The following LRP1B variants were observed in gnomAD, a reference collection of about 807,000 sequenced individuals.
LRP1B encodes LDL receptor related protein 1B.
In LRP1B, 217 loss-of-function variants were observed where a neutral mutation model predicts 556.6. That is an observed-to-expected ratio of 0.39 (90% CI 0.35 to 0.44). The LOEUF (loss-of-function observed/expected upper bound fraction) is 0.44, where lower values mean the gene tolerates loss of function less well. Among genes scored for constraint, LRP1B ranks in the 20% least tolerant of loss-of-function variants. The pLI is 1.00. For missense variants in LRP1B, 5,053 were observed against 5,620.8 expected (o/e 0.90, Z 3.23); for synonymous variants, 2,047 against 1,865.8 (o/e 1.10, Z -2.50).
intron 79 of LRP1B, among the ~76,000 whole-genome samples, chr2:140,330,963 A>C (rs1260957028): frequency 6.6e-6 from 1 of 152,156 alleles, no homozygotes; most frequent in Non-Finnish European, 1.5e-5. Context: ...ATATGAAAAA[A>C]AGCTCAGCAT....
In LRP1B at chr2:141,254,830, C is replaced by T. The variant is rs545614069; in HGVS notation, c.344-189G>A. Among the ~76,000 whole-genome samples the T allele has an allele frequency of 3.3e-3, 495 of 152,064 alleles. 3 individuals carry two copies. The highest frequency in any genetic ancestry group is 6.8e-3 in the Middle Eastern group (2 of 294). On this transcript the variant is annotated intron_variant, in intron 3 of 90. Coordinates refer to ENST00000389484, the MANE Select transcript of LRP1B (RefSeq NM_018557.3). ...TGCTTGAATTATTGTAAATAAAATT[C>T]GAGATCAATCTGTTTGGTCTCCCGC...
intron 21 of LRP1B, among the ~76,000 whole-genome samples, 181 bp from the exon 22 acceptor site, chr2:140,908,258 G>T: frequency 6.6e-6 from 1 of 150,408 alleles, no homozygotes; most frequent in Non-Finnish European, 1.5e-5. Context: ...TTCTTGCCCT[G>T]GTCTTAAAGT....
chr2:141,084,687 T>C (rs1465765732), intron 7 of LRP1B, among the ~76,000 whole-genome samples: 2 of 149,750 alleles, frequency 1.3e-5, no homozygotes, highest in African/African-American at 2.5e-5. Context: ...TCTCGCTCTG[T>C]CCCCCAGACT....
intron 3 of LRP1B, among the ~76,000 whole-genome samples, chr2:141,343,928 C>T (rs1345102994): frequency 6.6e-6 from 1 of 152,108 alleles, no homozygotes; most frequent in Non-Finnish European, 1.5e-5. Flanking sequence ...ATTCCCAGCT[C>T]TCTCTCTCTT....
intron 45 of LRP1B, among the ~76,000 whole-genome samples, chr2:140,537,594 T>C (rs779243006): frequency 6.6e-6 from 1 of 152,018 alleles, no homozygotes; most frequent in African/African-American, 2.4e-5. Context: ...CTCCATGAAA[T>C]GTACAGGAAT....
intron 6 of LRP1B, among the ~76,000 whole-genome samples, chr2:141,211,144 T>C (rs1268476801): frequency 6.6e-6 from 1 of 150,802 alleles, no homozygotes; most frequent in Non-Finnish European, 1.5e-5. Flanking sequence ...CCCACTACCA[T>C]GCTCAGCTAA....
At chr2:141,873,006 A>G (rs1574451012) in intron 1 of LRP1B, among the ~76,000 whole-genome samples, 1 of 152,036 alleles carries the variant, frequency 6.6e-6, no homozygotes, top group East Asian at 1.9e-4. Flanking sequence ...TATATGTTCA[A>G]TAGACCATTG....
chr2:141,644,831 C>G (rs924097140), intron 2 of LRP1B, among the ~76,000 whole-genome samples: 1 of 151,600 alleles, frequency 6.6e-6, no homozygotes, highest in Non-Finnish European at 1.5e-5. Flanking sequence ...AGACTTGGAA[C>G]TCATTCCTCC....
chr2:141,312,638 T>C (rs968522952), intron 3 of LRP1B, among the ~76,000 whole-genome samples: 17 of 152,150 alleles, frequency 1.1e-4, no homozygotes. Context: ...TTAGTAAGTA[T>C]TTTTCTGAAT....
chr2:142,063,794 A>G (rs1574646688), intron 1 of LRP1B, among the ~76,000 whole-genome samples: 1 of 151,798 alleles, frequency 6.6e-6, no homozygotes. Context: ...TCAGTTCATC[A>G]TAATACAAAG....
At chr2:141,032,010 T>A (rs979264435) in intron 11 of LRP1B, among the ~76,000 whole-genome samples, 1 of 152,050 alleles carries the variant, frequency 6.6e-6, no homozygotes, top group Non-Finnish European at 1.5e-5. Context: ...TAAGAATGTA[T>A]ATCATGTTGT....
intron 2 of LRP1B, among the ~76,000 whole-genome samples, chr2:141,487,781 A>G (rs1274357748): frequency 1.3e-5 from 2 of 152,140 alleles, no homozygotes; most frequent in Admixed American, 1.3e-4. Flanking sequence ...TAGTCTCTCC[A>G]TAAAGTTTTC....
intron 71 of LRP1B, among the ~76,000 whole-genome samples, chr2:140,367,322 T>C (rs978423513): frequency 1.3e-5 from 2 of 151,752 alleles, no homozygotes; most frequent in Non-Finnish European, 2.9e-5. Context: ...TTTGTAGTGA[T>C]ATTGATCTGA....
intron 7 of LRP1B, among the ~76,000 whole-genome samples, chr2:141,141,077 GC>G (rs1299818340): frequency 2.6e-5 from 4 of 151,890 alleles, no homozygotes; most frequent in African/African-American, 4.8e-5. Context: ...ATAGAAATGG[GC>G]ATTAAGTTAG....
intron 76 of LRP1B, among the ~76,000 whole-genome samples, chr2:140,352,034 T>G (rs1008502778): frequency 6.6e-6 from 1 of 152,162 alleles, no homozygotes; most frequent in Non-Finnish European, 1.5e-5. Context: ...CTTCTTGTAA[T>G]AACAATCTTA....
chr2:140,946,329 G>T (rs1227662571), intron 20 of LRP1B, among the ~76,000 whole-genome samples: 1 of 152,182 alleles, frequency 6.6e-6, no homozygotes, highest in Non-Finnish European at 1.5e-5. Context: ...TTCAGGGGCA[G>T]TGGCTCACAT....
chr2:141,449,435 A>C (rs143695706), intron 3 of LRP1B, among the ~76,000 whole-genome samples: 1 of 152,104 alleles, frequency 6.6e-6, no homozygotes, highest in Non-Finnish European at 1.5e-5. Context: ...AATGACCCCC[A>C]CCAAACCTTA....
rs1029741754 is a variant in LRP1B, at chr2:141,272,093, G to C, written c.344-17452C>G. On this transcript the variant is annotated intron_variant, in intron 3 of 90. Coordinates refer to ENST00000389484, the MANE Select transcript of LRP1B (RefSeq NM_018557.3). ...CTGTCTTCTCTCAGCCTCTATAAAA[G>C]ACATAAAATTATACAAAGTAACAAT... Among the ~76,000 whole-genome samples, 60 of 151,976 alleles carry C rather than the reference G, an allele frequency of 3.9e-4. 1 individual carries two copies. The highest frequency in any genetic ancestry group is 1.2e-3 in the African/African-American group (48 of 41,490).
intron 86 of LRP1B, among the ~76,000 whole-genome samples, chr2:140,250,714 CAG>C (rs1304605846): frequency 6.6e-6 from 1 of 151,602 alleles, no homozygotes; most frequent in Non-Finnish European, 1.5e-5. Flanking sequence ...CCCCATATAT[CAG>C]AGAATTCAAG....
Sources: gnomAD v4.1 joint callset for allele counts (sites outside exome capture counted in the v4.1 genomes callset) on GRCh38, gnomAD v4.1.1 for gene constraint, MANE v1.5 for transcripts, NCBI Gene and HGNC (gene_info 2026-07-23, HGNC 2026-07-21) for gene names.